CELF2: variants seen among roughly 807,000 people sequenced by gnomAD.
CELF2 encodes CUGBP Elav-like family member 2.
A neutral mutation model predicts 62.6 loss-of-function variants in CELF2; 8 were observed. The ratio of observed to expected loss-of-function variants is 0.13; its 90% CI spans 0.07 to 0.23. The LOEUF (loss-of-function observed/expected upper bound fraction) is 0.23. CELF2 is among the 10% of genes least tolerant of loss of function. CELF2 has a pLI of 1.00. For synonymous variants in CELF2, 258 were observed against 250.0 expected, an observed-to-expected ratio of 1.03 and a Z score of -0.30; for missense variants, 333 against 671.0, an observed-to-expected ratio of 0.50 and a Z score of 5.56.
intron 10 of CELF2, chr10:11,320,932 C>T: frequency 6.5e-7 from 1 of 1,547,230 alleles, no homozygotes; most frequent in African/African-American, 1.4e-5. Context: ...TGGCATTGAG[C>T]TGTCTCGTCT....
At chr10:11,182,360 T>C (rs1223200491) in intron 2 of CELF2, among the ~76,000 whole-genome samples, 2 of 152,214 alleles carry the variant, frequency 1.3e-5, no homozygotes, top group African/African-American at 4.8e-5. Context: ...TCCATCACTT[T>C]ATTCACTTAG....
At chr10:10,963,610 C>T (rs1014612505) in intron 2 of CELF2, among the ~76,000 whole-genome samples, 3 of 152,144 alleles carry the variant, frequency 2.0e-5, no homozygotes, top group African/African-American at 2.4e-5. Context: ...TTTCATAGCT[C>T]CCCTATGCCT....
the CELF2 span, among the ~76,000 whole-genome samples, chr10:10,676,700 A>AT: frequency 2.0e-5 from 3 of 151,678 alleles, no homozygotes; most frequent in Non-Finnish European, 2.9e-5. Flanking sequence ...GTAGGTTCTG[A>AT]TTTTTTTTGT....
chr10:11,271,668 T>C (rs1286093911), intron 7 of CELF2, among the ~76,000 whole-genome samples: 1 of 152,188 alleles, frequency 6.6e-6, no homozygotes, highest in Non-Finnish European at 1.5e-5. Flanking sequence ...TTAATATAAT[T>C]TCATATTGTG....
At chr10:10,516,431 T>C in the CELF2 span, among the ~76,000 whole-genome samples, 1 of 152,254 alleles carries the variant, frequency 6.6e-6, no homozygotes, top group African/African-American at 2.4e-5. Flanking sequence ...AAATTGCTAC[T>C]GTTTATTTTA....
rs570468240 is a variant in CELF2 at position 11,332,509 on chromosome 10, C to G, written c.*3456C>G. On this transcript the variant is annotated 3_prime_UTR_variant, in exon 13 of 13. Transcript: ENST00000633077. ...AATTTACTGACCAAATACCTAGCAC[C>G]AGTTCCTGCTGCCACTTTTTAAAGT... 20 of 152,428 alleles carry G rather than the reference C, an allele frequency of 1.3e-4. No homozygotes were observed. The highest frequency in any genetic ancestry group is 4.6e-4 in the African/African-American group (19 of 41,264). The allele number at this position is 152,428 out of a possible 1,614,324, so 9.4% of individuals were successfully genotyped here. A position where few individuals can be genotyped will look rare whatever the true frequency, so the allele number is the denominator to read the frequency against.
chr10:10,604,390 A>T, the CELF2 span, among the ~76,000 whole-genome samples: 60 of 152,350 alleles, frequency 3.9e-4, no homozygotes, highest in African/African-American at 1.4e-3. Context: ...AGTTGAAATC[A>T]TCAGGTTCTA....
chr10:10,996,051 T>G (rs2053915145), intron 2 of CELF2, among the ~76,000 whole-genome samples: 1 of 152,232 alleles, frequency 6.6e-6, no homozygotes, highest in Non-Finnish European at 1.5e-5. Flanking sequence ...AAGTTTAAAG[T>G]ATAAAACAAC....
chr10:11,074,329 G>C (rs1412712852), intron 1 of CELF2, among the ~76,000 whole-genome samples: 2 of 152,160 alleles, frequency 1.3e-5, no homozygotes, highest in Non-Finnish European at 2.9e-5. Context: ...TGCTGCTTAA[G>C]GGATTTTTTA....
chr10:10,754,067 T>TTTTTG, the CELF2 span, among the ~76,000 whole-genome samples: 1 of 149,890 alleles, frequency 6.7e-6, no homozygotes, highest in African/African-American at 2.4e-5. Context: ...GGTGGTTTTT[T>TTTTTG]TTTTTTTTTT....
chr10:10,850,834 T>C (rs573121440), intron 1 of CELF2, among the ~76,000 whole-genome samples: 6 of 152,260 alleles, frequency 3.9e-5, no homozygotes, highest in African/African-American at 1.4e-4. Flanking sequence ...AGATGGAGTC[T>C]CTGCTCTGTC....
At chr10:10,621,911 C>T in the CELF2 span, among the ~76,000 whole-genome samples, 1 of 152,114 alleles carries the variant, frequency 6.6e-6, no homozygotes, top group Non-Finnish European at 1.5e-5. Context: ...GAGATGAAAG[C>T]AAATGCGTTC....
At chr10:11,078,983 C>A (rs2141291028) in intron 1 of CELF2, among the ~76,000 whole-genome samples, 1 of 152,262 alleles carries the variant, frequency 6.6e-6, no homozygotes, top group Middle Eastern at 3.4e-3. Context: ...TTGAGCAGCT[C>A]ACATTTTCTA....
At chr10:10,484,915 A>G in the CELF2 span, among the ~76,000 whole-genome samples, 6 of 152,290 alleles carry the variant, frequency 3.9e-5, no homozygotes, top group African/African-American at 1.4e-4. Context: ...ATATTTTCCA[A>G]TGAAAATATC....
the CELF2 span, among the ~76,000 whole-genome samples, chr10:10,672,684 T>A: frequency 2.0e-5 from 3 of 152,210 alleles, no homozygotes; most frequent in South Asian, 6.2e-4. Flanking sequence ...TACTATAGAG[T>A]CTTCTTTATT....
chr10:10,729,502 T>C, the CELF2 span, among the ~76,000 whole-genome samples: 1 of 152,190 alleles, frequency 6.6e-6, no homozygotes, highest in African/African-American at 2.4e-5. Flanking sequence ...TTGTGGTTAA[T>C]TATTCCTAAT....
Position 11,290,224 on chromosome 10 carries a change from G to A in CELF2, c.976+1672G>A, listed in dbSNP as rs1484747858. On this transcript the variant is annotated intron_variant, in intron 9 of 12. Transcript: ENST00000633077. The surrounding 1 kb of genome is among the most constrained non-coding windows in gnomAD (Gnocchi z 4.3). ...ACTTGGACAAGAAGCAAAGCAATGA[G>A]TGTCAGATCTGTGACAGAATCCCAC... 6.6e-6 allele frequency among the ~76,000 whole-genome samples: 1 copy of A among 152,208 alleles called. No homozygotes were observed. The highest frequency in any genetic ancestry group is 6.5e-5 in the Admixed American group (1 of 15,292).
chr10:11,293,059 C>T (rs1307469067), intron 9 of CELF2, among the ~76,000 whole-genome samples: 4 of 152,210 alleles, frequency 2.6e-5, no homozygotes, highest in African/African-American at 9.7e-5. Flanking sequence ...CAGGGTCCAC[C>T]TGGACCACCT....
At position 11,207,058 on chromosome 10, in the gene CELF2, A is replaced by C. The variant is rs2060600300; in HGVS notation, c.272-10367A>C. 6.6e-6 allele frequency among the ~76,000 whole-genome samples: 1 copy of C among 152,242 alleles called. No individual in the cohort carries two copies. The highest frequency in any genetic ancestry group is 1.5e-5 in the Non-Finnish European group (1 of 68,046). Reference sequence around the variant, plus strand: ...TGGTTTAACATAAGTGTCTTATTTCAAAGAACCAGAGAAGGGGAAAAGCAC... The same window carrying C: ...TGGTTTAACATAAGTGTCTTATTTCCAAGAACCAGAGAAGGGGAAAAGCAC... On this transcript the variant is annotated intron_variant, in intron 2 of 12. Transcript: ENST00000633077. This position sits in a 1 kb window ranked among gnomAD's most constrained non-coding sequence, Gnocchi z 4.1.
Sources: gnomAD v4.1 joint callset for allele counts (sites outside exome capture counted in the v4.1 genomes callset) on GRCh38, gnomAD v4.1.1 for gene constraint, Gnocchi (gnomAD v3.1) non-coding constraint, MANE v1.5 for transcripts, NCBI Gene and HGNC (gene_info 2026-07-23, HGNC 2026-07-21) for gene names.